Variants in CDH12 observed in about 807,000 individuals in gnomAD.
CDH12 encodes the protein cadherin 12.
In CDH12, 41 loss-of-function variants were observed where a neutral mutation model predicts 74.1. That is an observed-to-expected ratio of 0.55 (90% CI 0.43 to 0.72). CDH12 has a LOEUF of 0.72. Among genes scored for constraint, CDH12 ranks in the 30% least tolerant of loss-of-function variants. The probability of loss-of-function intolerance (pLI) is 0.00; values close to 1 mark genes in which losing one functional copy is unlikely to be tolerated. For synonymous variants in CDH12, 399 were observed against 355.0 expected (o/e 1.12, Z -1.39); for missense variants, 945 against 977.2 (o/e 0.97, Z 0.44).
chr5:22,381,755 C>T (rs968748511), intron 3 of CDH12, among the ~76,000 whole-genome samples: 3 of 150,922 alleles, frequency 2.0e-5, no homozygotes, highest in Non-Finnish European at 4.4e-5. Context: ...TATTCTCTTG[C>T]TTTTATTTTG....
chr5:22,572,977 C>A (rs1739611973), intron 1 of CDH12, among the ~76,000 whole-genome samples: 1 of 152,096 alleles, frequency 6.6e-6, no homozygotes. Flanking sequence ...AACTGAAATG[C>A]TTTGTATTTT....
chr5:22,451,438 A>T (rs1050745372), intron 2 of CDH12, among the ~76,000 whole-genome samples: 9 of 151,982 alleles, frequency 5.9e-5, no homozygotes, highest in African/African-American at 2.2e-4. Context: ...AATACACATG[A>T]TCTAGCACCT....
rs373650687 is a variant in CDH12 at position 22,334,919 on chromosome 5, C to A, written c.-333+70338G>T. ...CTATAAGAAAACATGCAGAAACTCT[C>A]CACAGCATTTGTCTGGACAAAAATT... is the stretch of plus-strand genomic sequence containing the variant. On this transcript the variant is annotated intron_variant, in intron 3 of 14. Coordinates refer to ENST00000382254, the MANE Select transcript of CDH12 (RefSeq NM_004061.5). Among the ~76,000 whole-genome samples the A allele has an allele frequency of 2.6e-5, 4 of 152,082 alleles. No individual in the cohort carries two copies. The East Asian group carries it at 7.7e-4, about 29-fold the overall frequency.
At chr5:22,408,790 A>G (rs190659008) in intron 2 of CDH12, among the ~76,000 whole-genome samples, 4 of 151,774 alleles carry the variant, frequency 2.6e-5, no homozygotes, top group African/African-American at 9.6e-5. Context: ...AAAGACCTAA[A>G]ATAATAAAAT....
intron 3 of CDH12, among the ~76,000 whole-genome samples, chr5:22,365,285 A>G (rs182537432): frequency 2.0e-4 from 31 of 152,322 alleles, no homozygotes; most frequent in Non-Finnish European, 3.7e-4. Context: ...AAATACCTAC[A>G]GAAAATGGGT....
intron 5 of CDH12, among the ~76,000 whole-genome samples, chr5:22,035,387 T>A (rs1312101341): frequency 7.6e-6 from 1 of 131,250 alleles, no homozygotes; most frequent in Non-Finnish European, 1.5e-5. Context: ...CTGGCCTGTG[T>A]ATATATATAT....
Position 22,850,023 on chromosome 5 carries a change from ATAAT to A in CDH12, c.-523+3031_-523+3034del, listed in dbSNP as rs148635346. On this transcript the variant is annotated intron_variant, in intron 1 of 14. Transcript: ENST00000382254. ...TAACAGGTGCTTACTAAATGAAGTG[ATAAT>A]TAATAATTGAGTAATTGAATAATTG... 8.4e-3 allele frequency among the ~76,000 whole-genome samples: 1,277 copies of A among 152,246 alleles called. 7 individuals carry two copies. The highest frequency in any genetic ancestry group is 0.013 in the Non-Finnish European group (913 of 67,940).
At chr5:21,913,335 A>AT (rs536523442) in intron 6 of CDH12, among the ~76,000 whole-genome samples, 92 of 152,046 alleles carry the variant, frequency 6.1e-4, no homozygotes, top group Admixed American at 1.6e-3. Context: ...AATCATCACA[A>AT]TTTTTTTTAA....
chr5:21,757,510 T>C (rs1448275930), intron 13 of CDH12, among the ~76,000 whole-genome samples: 1 of 152,208 alleles, frequency 6.6e-6, no homozygotes, highest in Admixed American at 6.5e-5. Context: ...GTGATGTCCA[T>C]AGTGAGAAGA....
intron 1 of CDH12, among the ~76,000 whole-genome samples, chr5:22,799,184 A>G (rs1748380313): frequency 6.6e-6 from 1 of 152,224 alleles, no homozygotes; most frequent in Admixed American, 6.6e-5. Context: ...GAATAATTGA[A>G]TCAGTACCTT....
intron 1 of CDH12, among the ~76,000 whole-genome samples, chr5:22,545,215 C>T (rs780851774): frequency 3.0e-4 from 46 of 152,150 alleles, no homozygotes; most frequent in African/African-American, 9.9e-4. Flanking sequence ...AGGCCATCTC[C>T]GGTGCCAGCT....
chr5:22,462,829 A>G (rs912414200), intron 2 of CDH12, among the ~76,000 whole-genome samples: 11 of 152,232 alleles, frequency 7.2e-5, no homozygotes, highest in African/African-American at 2.7e-4. Flanking sequence ...TGTCCACTAA[A>G]GCAGAAAGGA....
chr5:22,202,063 G>A (rs543481392), intron 4 of CDH12, among the ~76,000 whole-genome samples: 2 of 151,986 alleles, frequency 1.3e-5, no homozygotes, highest in East Asian at 3.9e-4. Context: ...ACATAGAAAA[G>A]GTTTTGAGGC....
At chr5:22,605,965 G>T (rs1737095569) in intron 1 of CDH12, among the ~76,000 whole-genome samples, 2 of 152,200 alleles carry the variant, frequency 1.3e-5, no homozygotes, top group Admixed American at 6.5e-5. Context: ...GGGTGGCCAT[G>T]GGCAAGTGCT....
intron 4 of CDH12, among the ~76,000 whole-genome samples, chr5:22,091,713 G>A (rs1177544137): frequency 6.6e-6 from 1 of 151,938 alleles, no homozygotes; most frequent in African/African-American, 2.4e-5. Flanking sequence ...TAAAATTCAT[G>A]TAGAAATGAA....
chr5:22,274,918 T>C (rs1381320016), intron 3 of CDH12, among the ~76,000 whole-genome samples: 1 of 152,172 alleles, frequency 6.6e-6, no homozygotes, highest in Non-Finnish European at 1.5e-5. Flanking sequence ...GAAAATAAGA[T>C]TTACTAATAA....
chr5:22,639,050 C>CAAAAAAAA lies in CDH12; in HGVS notation c.-522-133694_-522-133687dup, dbSNP rs545549665. 47 of 64,268 alleles carry CAAAAAAAA rather than the reference C, an allele frequency of 7.3e-4. 1 individual carries two copies. The highest frequency in any genetic ancestry group is 1.6e-3 in the African/African-American group (30 of 18,472). The allele number at this position is 64,268 out of a possible 1,614,324, so 4.0% of individuals were successfully genotyped here. A position where few individuals can be genotyped will look rare whatever the true frequency, so the allele number is the denominator to read the frequency against. ...TGGGCGTCAGAGTGAGAGTCCGCCT[C>CAAAAAAAA]AAAAAAAAAAAAAAAAAAAAAAAAA... On this transcript the variant is annotated intron_variant, in intron 1 of 14. Transcript: ENST00000382254.
intron 1 of CDH12, among the ~76,000 whole-genome samples, chr5:22,621,111 T>C (rs1354551656): frequency 6.6e-6 from 1 of 152,180 alleles, no homozygotes; most frequent in African/African-American, 2.4e-5. Context: ...AGAGACCACC[T>C]GTATTACTTG....
intron 6 of CDH12, among the ~76,000 whole-genome samples, chr5:21,897,477 A>G (rs1753176868): frequency 6.6e-6 from 1 of 152,232 alleles, no homozygotes; most frequent in African/African-American, 2.4e-5. Context: ...CAAAGGTGAT[A>G]TCAAGTTTTT....
Sources: gnomAD v4.1 joint callset for allele counts (sites outside exome capture counted in the v4.1 genomes callset) on GRCh38, gnomAD v4.1.1 for gene constraint, MANE v1.5 for transcripts, NCBI Gene and HGNC (gene_info 2026-07-23, HGNC 2026-07-21) for gene names.